BCOR: variants seen among roughly 807,000 people sequenced by gnomAD.
BCOR encodes the protein BCL6 corepressor.
Under a neutral mutation model 86.7 loss-of-function variants are expected in BCOR, and 10 were observed. The observed-to-expected ratio is 0.12, with a 90% CI of 0.07 to 0.20. The LOEUF (loss-of-function observed/expected upper bound fraction) is 0.20, where lower values mean the gene tolerates loss of function less well. BCOR is among the 10% of genes least tolerant of loss of function. The pLI is 1.00. For missense variants in BCOR, 1,259 were observed against 1,452.1 expected, an observed-to-expected ratio of 0.87 and a Z score of 2.16; for synonymous variants, 611 against 609.0, an observed-to-expected ratio of 1.00 and a Z score of -0.05.
chrX:40,097,111 C>T (rs1048707378), intron 1 of BCOR, 104 bp downstream of exon 1: 1 of 112,723 alleles, frequency 8.9e-6, no homozygotes, highest in Non-Finnish European at 1.9e-5. Flanking sequence ...GCGGGGTACG[C>T]TGCGGGAGGG....
intron 1 of BCOR, among the ~76,000 whole-genome samples, chrX:40,103,615 A>G (rs1937112950): frequency 9.1e-6 from 1 of 110,312 alleles, no homozygotes; most frequent in Admixed American, 9.5e-5. Flanking sequence ...GTGTTGTACC[A>G]GAAAGGCCTG....
chrX:40,170,679 C>T (rs761978523), intron 1 of BCOR, among the ~76,000 whole-genome samples: 3 of 111,999 alleles, frequency 2.7e-5, no homozygotes, highest in Admixed American at 9.5e-5. Context: ...CAATTTAAAG[C>T]CTCCCTTTCT....
chrX:40,129,690 C>G (rs941488098), intron 1 of BCOR, among the ~76,000 whole-genome samples: 1 of 105,181 alleles, frequency 9.5e-6, no homozygotes, highest in Non-Finnish European at 1.9e-5. Context: ...GGGGTATGGG[C>G]GAAAGCTGTT....
At chrX:40,109,511 G>A (rs1439166400) in intron 1 of BCOR, among the ~76,000 whole-genome samples, 1 of 112,063 alleles carries the variant, frequency 8.9e-6, no homozygotes, top group Non-Finnish European at 1.9e-5. Flanking sequence ...CCGCTCCTCG[G>A]CCCCGGCCCC....
intron 1 of BCOR, among the ~76,000 whole-genome samples, chrX:40,157,973 G>C (rs1290630662): frequency 8.9e-6 from 1 of 112,704 alleles, no homozygotes; most frequent in African/African-American, 3.2e-5. Flanking sequence ...TTTGAGCCCT[G>C]TGTTTTTACG....
chrX:40,109,556 G>A (rs1937261441), intron 1 of BCOR, among the ~76,000 whole-genome samples: 1 of 111,587 alleles, frequency 9.0e-6, no homozygotes, highest in African/African-American at 3.2e-5. Context: ...GCCGGCGGAC[G>A]GACTCGGCGC....
At chrX:40,107,970 T>A (rs1937225158) in intron 1 of BCOR, among the ~76,000 whole-genome samples, 1 of 113,469 alleles carries the variant, frequency 8.8e-6, no homozygotes, top group African/African-American at 3.2e-5. Flanking sequence ...AGGGTGTTTG[T>A]GTTGCCTTCT....
At chrX:40,103,079 C>CA (rs1937101614) in intron 1 of BCOR, among the ~76,000 whole-genome samples, 1 of 103,495 alleles carries the variant, frequency 9.7e-6, no homozygotes, top group Non-Finnish European at 1.9e-5. Context: ...GCGCAGCCCC[C>CA]GGCCCTGAGT....
intron 1 of BCOR, among the ~76,000 whole-genome samples, chrX:40,080,948 CGCACACACGT>C (rs1466627442): frequency 2.2e-5 from 2 of 92,196 alleles, no homozygotes; most frequent in South Asian, 6.1e-4. Flanking sequence ...TGTGGACTTA[CGCACACACGT>C]GCACGCACGC....
chrX:40,100,147 T>C (rs1569178423), upstream of BCOR, among the ~76,000 whole-genome samples: 1 of 113,232 alleles, frequency 8.8e-6, no homozygotes, highest in Non-Finnish European at 1.9e-5. Context: ...AAAAGGCCTC[T>C]GGTTGTGTGT....
Position 40,065,519 on chromosome X carries a change from G to A in BCOR, c.3239-920C>T, listed in dbSNP as rs976856619. 7.1e-5 allele frequency among the ~76,000 whole-genome samples: 8 copies of A among 112,140 alleles called. No individual in the cohort carries two copies. In the East Asian group the frequency reaches 8.4e-4, roughly 12 times the overall value. On this transcript the variant is annotated intron_variant, in intron 6 of 14. Transcript: ENST00000378444. ...ATGCCAGGCCAGCGCTTGCAAAACC[G>A]CTCGTTCCAGGAACCCTGTGCTCGG...
chrX:40,155,119 G>C (rs1299039304), intron 1 of BCOR, among the ~76,000 whole-genome samples: 1 of 111,562 alleles, frequency 9.0e-6, no homozygotes, highest in Non-Finnish European at 1.9e-5. Flanking sequence ...GACTGAGCCG[G>C]GGCCACCTCG....
chrX:40,155,018 C>T (rs1264812498), intron 1 of BCOR, among the ~76,000 whole-genome samples: 2 of 110,896 alleles, frequency 1.8e-5, no homozygotes, highest in Admixed American at 1.9e-4. Flanking sequence ...CGAGCGCCCG[C>T]CGCGGCCCGC....
At chrX:40,083,709 C>G (rs1231602540) in intron 1 of BCOR, among the ~76,000 whole-genome samples, 1 of 112,590 alleles carries the variant, frequency 8.9e-6, no homozygotes, top group Non-Finnish European at 1.9e-5. Context: ...TCCTCCTCCC[C>G]GCTCCTCGGC....
intron 1 of BCOR, among the ~76,000 whole-genome samples, chrX:40,088,396 G>C (rs1022502985): frequency 8.9e-6 from 1 of 112,513 alleles, no homozygotes; most frequent in African/African-American, 3.2e-5. Flanking sequence ...ATTCTTTAGA[G>C]AGGGACCAGG....
chrX:40,082,100 G>A (rs1936132052), intron 1 of BCOR, among the ~76,000 whole-genome samples: 1 of 112,115 alleles, frequency 8.9e-6, no homozygotes, highest in African/African-American at 3.2e-5. Flanking sequence ...TGGCAGAAGG[G>A]GGGCGTCGAG....
At chrX:40,125,872 A>C (rs1473023433) in intron 1 of BCOR, among the ~76,000 whole-genome samples, 1 of 111,754 alleles carries the variant, frequency 8.9e-6, no homozygotes, top group Non-Finnish European at 1.9e-5. Flanking sequence ...CCTAGAGGGC[A>C]CATGTCTCAC....
At chrX:40,171,411 C>G (rs758810447) in intron 1 of BCOR, among the ~76,000 whole-genome samples, 8 of 111,162 alleles carry the variant, frequency 7.2e-5, no homozygotes, top group African/African-American at 2.6e-4. Context: ...TTTTATGGAC[C>G]TGTGAGCCGA....
At chrX:40,140,916 G>A (rs189426046) in intron 1 of BCOR, among the ~76,000 whole-genome samples, 254 of 113,152 alleles carry the variant, frequency 2.2e-3, no homozygotes, top group African/African-American at 7.8e-3. Flanking sequence ...TGCCCAACAT[G>A]GCCTGAAGCT....
Sources: gnomAD v4.1 joint callset for allele counts (sites outside exome capture counted in the v4.1 genomes callset) on GRCh38, gnomAD v4.1.1 for gene constraint, MANE v1.5 for transcripts, NCBI Gene and HGNC (gene_info 2026-07-23, HGNC 2026-07-21) for gene names.